The following CNTN5 variants were observed in gnomAD, a reference collection of about 807,000 sequenced individuals.
CNTN5 encodes contactin 5.
A neutral mutation model predicts 129.1 loss-of-function variants in CNTN5; 77 were observed. The ratio of observed to expected loss-of-function variants is 0.60; its 90% CI spans 0.50 to 0.72. CNTN5 has a LOEUF of 0.72. Among genes scored for constraint, CNTN5 ranks in the 30% least tolerant of loss-of-function variants. The pLI is 0.00. For missense variants in CNTN5, 1,478 were observed against 1,328.8 expected (o/e 1.11, Z -1.75); for synonymous variants, 509 against 465.6 (o/e 1.09, Z -1.20).
intron 3 of CNTN5, among the ~76,000 whole-genome samples, chr11:99,665,269 T>G (rs2135929383): frequency 6.6e-6 from 1 of 152,250 alleles, no homozygotes; most frequent in African/African-American, 2.4e-5. Context: ...ACAATTTTGA[T>G]GTGACCTGGA....
intron 13 of CNTN5, among the ~76,000 whole-genome samples, chr11:100,143,757 G>T (rs964815182): frequency 6.6e-6 from 1 of 152,072 alleles, no homozygotes; most frequent in African/African-American, 2.4e-5. Context: ...TTTAGGGAAG[G>T]TCAGGTTCAT....
intron 3 of CNTN5, among the ~76,000 whole-genome samples, chr11:99,802,102 G>T (rs899896093): frequency 6.6e-6 from 1 of 152,114 alleles, no homozygotes; most frequent in African/African-American, 2.4e-5. Context: ...TCCACCCAGG[G>T]TGTATGACTG....
At chr11:99,178,650 G>A (rs1591317947) in intron 1 of CNTN5, among the ~76,000 whole-genome samples, 1 of 152,218 alleles carries the variant, frequency 6.6e-6, no homozygotes. Context: ...ATTTTAGTTA[G>A]AATAATGTCT....
intron 20 of CNTN5, among the ~76,000 whole-genome samples, chr11:100,301,434 G>T (rs866594919): frequency 5.3e-5 from 8 of 151,434 alleles, no homozygotes; most frequent in Admixed American, 2.0e-4. Flanking sequence ...TAGAAAATAT[G>T]CATATTTTCT....
At chr11:99,788,219 C>T (rs991141814) in intron 3 of CNTN5, among the ~76,000 whole-genome samples, 3 of 151,914 alleles carry the variant, frequency 2.0e-5, no homozygotes, top group African/African-American at 4.8e-5. Context: ...TCAACATCTT[C>T]CTCTCTGAAT....
intron 3 of CNTN5, among the ~76,000 whole-genome samples, chr11:99,702,520 C>A (rs1954567668): frequency 6.6e-6 from 1 of 150,858 alleles, no homozygotes; most frequent in Admixed American, 6.6e-5. Flanking sequence ...TAATTATTAT[C>A]ATAATCAGTT....
intron 2 of CNTN5, among the ~76,000 whole-genome samples, chr11:99,539,163 G>A (rs1018037521): frequency 1.3e-5 from 2 of 152,196 alleles, no homozygotes; most frequent in Admixed American, 1.3e-4. Flanking sequence ...GAAATGATAA[G>A]TTTAAAATTA....
intron 2 of CNTN5, among the ~76,000 whole-genome samples, chr11:99,479,265 A>AT (rs947788059): frequency 3.0e-5 from 4 of 132,220 alleles, no homozygotes; most frequent in African/African-American, 1.1e-4. Flanking sequence ...TGCCCTTCAC[A>AT]CTTTTTTTTT....
At position 99,708,556 on chromosome 11, in the gene CNTN5, A is replaced by T. The variant is rs1175087830; in HGVS notation, c.56-110988A>T. ...AAGATACTTTCAAAACTCAAATTAG[A>T]TATATGAAAAAGGCACCATTCTGAT... On this transcript the variant is annotated intron_variant, in intron 3 of 24. Coordinates refer to ENST00000524871, the MANE Select transcript of CNTN5 (RefSeq NM_014361.4). Among the ~76,000 whole-genome samples, 5 of 151,854 alleles carry T rather than the reference A, an allele frequency of 3.3e-5. No individual in the cohort carries two copies. The South Asian group carries it at 8.3e-4, about 25-fold the overall frequency.
At chr11:100,128,239 T>A (rs997623046) in intron 13 of CNTN5, among the ~76,000 whole-genome samples, 1 of 152,080 alleles carries the variant, frequency 6.6e-6, no homozygotes, top group Non-Finnish European at 1.5e-5. Context: ...TCTCCCTCCT[T>A]TTTTCCTGTC....
At chr11:99,043,929 C>G (rs1401762932) in intron 1 of CNTN5, among the ~76,000 whole-genome samples, 1 of 152,082 alleles carries the variant, frequency 6.6e-6, no homozygotes, top group Admixed American at 6.5e-5. Context: ...TTAAATGAGA[C>G]AGTGTGAGAG....
intron 3 of CNTN5, among the ~76,000 whole-genome samples, chr11:99,699,531 A>G (rs1039280980): frequency 6.6e-6 from 1 of 151,484 alleles, no homozygotes; most frequent in Non-Finnish European, 1.5e-5. Flanking sequence ...TAATGAATAA[A>G]CAATACTCTG....
chr11:99,895,416 C>G (rs190989964), intron 6 of CNTN5, among the ~76,000 whole-genome samples: 10 of 152,268 alleles, frequency 6.6e-5, no homozygotes, highest in Non-Finnish European at 1.2e-4. Flanking sequence ...GGTTTCAGTT[C>G]AAGATGGCTG....
chr11:99,306,663 G>T (rs1864887553), intron 1 of CNTN5, among the ~76,000 whole-genome samples: 1 of 151,466 alleles, frequency 6.6e-6, no homozygotes, highest in African/African-American at 2.4e-5. Context: ...GAACCCGGGA[G>T]GTGGAGCTTG....
At chr11:100,097,965 G>A (rs182758790) in intron 13 of CNTN5, among the ~76,000 whole-genome samples, 13,951 of 150,722 alleles carry the variant, frequency 0.093, 802 homozygotes, top group Admixed American at 0.13. Flanking sequence ...AATTAAATCG[G>A]GGAGTTTTTT....
At chr11:99,821,144 G>C (rs1158156930) in intron 4 of CNTN5, among the ~76,000 whole-genome samples, 3 of 151,936 alleles carry the variant, frequency 2.0e-5, no homozygotes, top group Non-Finnish European at 4.4e-5. Context: ...TGGCATTAAG[G>C]TAGAAAATCA....
At chr11:99,232,077 A>G (rs1861028800) in intron 1 of CNTN5, among the ~76,000 whole-genome samples, 1 of 152,070 alleles carries the variant, frequency 6.6e-6, no homozygotes, top group East Asian at 1.9e-4. Flanking sequence ...TGAGGTCAGA[A>G]AGCATGATGT....
chr11:100,037,581 G>A (rs1375940818), intron 9 of CNTN5, among the ~76,000 whole-genome samples: 1 of 152,098 alleles, frequency 6.6e-6, no homozygotes, highest in Non-Finnish European at 1.5e-5. Flanking sequence ...GAATTCGGCT[G>A]TGAATCCATC....
chr11:99,091,644 T>G (rs1382381625), intron 1 of CNTN5, among the ~76,000 whole-genome samples: 2 of 152,134 alleles, frequency 1.3e-5, no homozygotes, highest in Non-Finnish European at 2.9e-5. Flanking sequence ...GAAGAGGCAC[T>G]TCATCTGCGG....
Sources: gnomAD v4.1 joint callset for allele counts (sites outside exome capture counted in the v4.1 genomes callset) on GRCh38, gnomAD v4.1.1 for gene constraint, MANE v1.5 for transcripts, NCBI Gene and HGNC (gene_info 2026-07-23, HGNC 2026-07-21) for gene names.